ANKRD24: variants seen among roughly 807,000 people sequenced by gnomAD.
The protein encoded by ANKRD24 is ankyrin repeat domain 24.
ANKRD24 carries 109 observed loss-of-function variants against 127.8 expected under a neutral mutation model. The observed-to-expected ratio is 0.85, with a 90% CI of 0.73 to 1.00. The LOEUF (loss-of-function observed/expected upper bound fraction) is 1.00. Among genes scored for constraint, ANKRD24 ranks in the 50% least tolerant of loss-of-function variants. ANKRD24 has a pLI of 0.00. For synonymous variants in ANKRD24, 743 were observed against 671.1 expected (o/e 1.11, Z -1.66); for missense variants, 1,648 against 1,570.2 (o/e 1.05, Z -0.84).
At chr19:4,184,898 G>A (rs145221695) in intron 1 of ANKRD24, among the ~76,000 whole-genome samples, 81 of 151,102 alleles carry the variant, frequency 5.4e-4, no homozygotes, top group African/African-American at 1.9e-3. Flanking sequence ...ATGGATGGAG[G>A]GATGGATAAG....
chr19:4,192,770 A>C (rs1194991418), intron 2 of ANKRD24, among the ~76,000 whole-genome samples: 3 of 151,124 alleles, frequency 2.0e-5, no homozygotes, highest in Non-Finnish European at 2.9e-5. Context: ...ATCTCTTCAA[A>C]AAAAATTCAA....
At chr19:4,202,575 A>G (rs1969153627) in intron 6 of ANKRD24, among the ~76,000 whole-genome samples, 3 of 151,878 alleles carry the variant, frequency 2.0e-5, no homozygotes, top group Admixed American at 2.0e-4. Flanking sequence ...CATCTAAAAT[A>G]TATATATATA....
chr19:4,224,324 T>C (rs778394539), intron 21 of ANKRD24, 104 bp from the exon 22 acceptor site: 25 of 1,428,880 alleles, frequency 1.7e-5, no homozygotes, highest in Non-Finnish European at 2.4e-5. Context: ...AGCCCCCCTG[T>C]GTGCATTTCC....
At chr19:4,191,028 G>A (rs1452275702) in intron 2 of ANKRD24, among the ~76,000 whole-genome samples, 1 of 152,172 alleles carries the variant, frequency 6.6e-6, no homozygotes, top group Admixed American at 6.6e-5. Context: ...ATTGGATGGG[G>A]ACAGGATAGG....
intron 7 of ANKRD24, 111 bp downstream of exon 7, chr19:4,203,037 C>CT (rs1255934573): frequency 1.4e-5 from 12 of 834,050 alleles, no homozygotes; most frequent in South Asian, 2.1e-5. Flanking sequence ...TTCCTGTCTC[C>CT]TCCTTTCTTT....
chr19:4,199,943 G>C lies in ANKRD24; in HGVS notation c.192G>C (p.Val64=). Residue 64 remains valine (V), a synonymous_variant, in exon 4 of 22, where the codon GTG becomes GTC. Transcript: ENST00000318934. The surrounding 1 kb of genome is among the most constrained non-coding windows in gnomAD (Gnocchi z 5.2). The part of the protein sequence containing the change: ...QAVENNDAPR[V]AALIARKGLV... The stretch of plus-strand genomic sequence containing the variant: ...TGGAAAACAACGATGCACCTCGGGT[G>C]GCCGCCCTCATCGCCCGCAAGGGGC... 6.4e-7 allele frequency: 1 copy of C among 1,566,600 alleles called. No individual in the cohort carries two copies.
At chr19:4,213,326 CTTCCTTCCTTTCCTTCCTTCCTTCGTT>C (rs1471398855) in intron 15 of ANKRD24, among the ~76,000 whole-genome samples, 1 of 147,178 alleles carries the variant, frequency 6.8e-6, no homozygotes, top group Non-Finnish European at 1.5e-5. Flanking sequence ...CCCTCCTTCC[CTTCCTTCCTTTCCTTCCTTCCTTCGTT>C]TTCCTTCCCT....
Position 4,186,439 on chromosome 19 carries a change from G to T in ANKRD24, c.14G>T (p.Arg5Met). MKTL[R>M]ARFKKTELRL... is the part of the protein sequence containing the mutation. ...AGGGCACCAACTATGAAGACTCTCA[G>T]GGCGCGATTTAAGAAGACAGAGGTG... Residue 5 changes from arginine (R) to methionine (M), a missense_variant, in exon 2 of 22, where the codon AGG becomes ATG. Transcript: ENST00000318934. The T allele has an allele frequency of 6.3e-7, 1 of 1,593,504 alleles. No individual in the cohort carries two copies.
chr19:4,210,436 T>TC, intron 13 of ANKRD24, 64 bp downstream of exon 13: 1 of 1,346,302 alleles, frequency 7.4e-7, no homozygotes, highest in African/African-American at 1.5e-5. Flanking sequence ...GGCATGAAGA[T>TC]CCCCCTACTT....
chr19:4,222,650 G>T lies in ANKRD24; in HGVS notation c.3172-20G>T. On this transcript the variant is annotated intron_variant, in intron 19 of 21. Coordinates refer to ENST00000318934, the MANE Select transcript of ANKRD24 (RefSeq NM_001393985.1). ...CAGCTCTGGGCTTAGGGTGATCGCT[G>T]ACAGCACCTGCACCCTCAGATCACA... is the stretch of plus-strand genomic sequence containing the variant. 1 of 1,586,996 alleles carries T rather than the reference G, an allele frequency of 6.3e-7. No individual in the cohort carries two copies. Among genetic ancestry groups the T allele is most frequent in the South Asian group, 1.1e-5 (1 of 89,218 alleles).
rs1400597563 is a variant in ANKRD24, at chr19:4,217,911, T to G, written c.2751T>G (p.Ser917=). The G allele has an allele frequency of 6.7e-7, 1 of 1,486,514 alleles. No individual in the cohort carries two copies. 92.1% of individuals were successfully genotyped at this position (1,486,514 alleles called of 1,614,324 possible). The change falls in exon 18 of 22, where the codon TCT becomes TCG. Residue 917 remains serine (S), a synonymous_variant. Transcript: ENST00000318934. ...TCCGCCAGTCCGTGGTGCCGGCCTC[T>G]GAGCACCGCCGGCTGCAGGAGGAGG... ...EALRQSVVPA[S]EHRRLQEEAL... is the part of the protein sequence containing the mutation.
In ANKRD24 at chr19:4,199,968, C is replaced by T. The variant is rs1373138919; in HGVS notation, c.217C>T (p.Leu73=). The change falls in exon 4 of 22, where the codon CTG becomes TTG. Residue 73 remains leucine, a synonymous_variant. Coordinates refer to ENST00000318934, the MANE Select transcript of ANKRD24 (RefSeq NM_001393985.1). The surrounding 1 kb of genome is among the most constrained non-coding windows in gnomAD (Gnocchi z 5.2). ...GGCCGCCCTCATCGCCCGCAAGGGG[C>T]TGGTGCCCACGAAGCTAGACCCCGA... ...RVAALIARKG[L]VPTKLDPEGK... The T allele has an allele frequency of 6.4e-7, 1 of 1,564,350 alleles. No homozygotes were observed. Among genetic ancestry groups the T allele is most frequent in the Admixed American group, 1.9e-5 (1 of 52,410 alleles).
chr19:4,218,499 C>T (rs76739828), intron 18 of ANKRD24, among the ~76,000 whole-genome samples: 6 of 151,756 alleles, frequency 4.0e-5, no homozygotes, highest in Non-Finnish European at 7.4e-5. Context: ...GGGAGTTCAC[C>T]GTGTTGGCCA....
At chr19:4,196,469 G>A (rs1420861415) in intron 2 of ANKRD24, among the ~76,000 whole-genome samples, 1 of 152,144 alleles carries the variant, frequency 6.6e-6, no homozygotes, top group Non-Finnish European at 1.5e-5. Context: ...TCTGCCTCCA[G>A]GGTTCAAGCG....
At position 4,217,625 on chromosome 19, in the gene ANKRD24, G is replaced by C. The variant is rs1599463376; in HGVS notation, c.2465G>C (p.Arg822Pro). The C allele has an allele frequency of 1.5e-5, 19 of 1,287,180 alleles. No individual in the cohort carries two copies. The East Asian group carries it at 6.3e-4, about 43-fold the overall frequency. The allele number at this position is 1,287,180 out of a possible 1,614,324, so 79.7% of individuals were successfully genotyped here. ...SACLDEARAS[R>P]LLAEEEARGL... ...TGCCTGGATGAGGCTCGGGCCAGCC[G>C]GCTGCTGGCGGAGGAGGAGGCGCGG... Residue 822 changes from arginine to proline, a missense_variant, in exon 18 of 22, where the codon CGG becomes CCG. Transcript: ENST00000318934.
At chr19:4,219,882 G>A in intron 19 of ANKRD24, 124 bp downstream of exon 19, 1 of 1,198,710 alleles carries the variant, frequency 8.3e-7, no homozygotes, top group Non-Finnish European at 1.1e-6. Flanking sequence ...AAGGGAAACT[G>A]AGGCTCAGAA....
chr19:4,213,160 C>T (rs1416838428), intron 15 of ANKRD24, among the ~76,000 whole-genome samples: 1 of 152,126 alleles, frequency 6.6e-6, no homozygotes, highest in African/African-American at 2.4e-5. Flanking sequence ...CAGTCACATG[C>T]ACCCATGCAC....
At position 4,216,894 on chromosome 19, in the gene ANKRD24, A is replaced by G. The variant is rs752494683; in HGVS notation, c.1734A>G (p.Glu578=). Residue 578 remains glutamate (E), a synonymous_variant, in exon 18 of 22, where the codon GAA becomes GAG. Transcript: ENST00000318934. Reference sequence around the variant, plus strand: ...AAACCATGGAAGCCAGGACTATGGAAGCTGAGGCCACGGGAGCCGAGGCCA... The same window carrying G: ...AAACCATGGAAGCCAGGACTATGGAGGCTGAGGCCACGGGAGCCGAGGCCA... ...GDETMEARTM[E]AEATGAEATG... is the part of the protein sequence containing the mutation. 36 of 1,611,480 alleles carry G rather than the reference A, an allele frequency of 2.2e-5. No homozygotes were observed. The highest frequency in any genetic ancestry group is 2.8e-5 in the Non-Finnish European group (33 of 1,178,924).
At position 4,221,943 on chromosome 19, in the gene ANKRD24, C is replaced by G. The variant is rs73524653; in HGVS notation, c.3172-727C>G. On this transcript the variant is annotated intron_variant, in intron 19 of 21. Transcript: ENST00000318934. ...CGTGACAACCACAGATGTCCCCACA[C>G]AACACCCAGTGTCCCCTTGGGGGGC... 5.0e-3 allele frequency among the ~76,000 whole-genome samples: 754 copies of G among 152,284 alleles called. 6 individuals are homozygous for G. Among genetic ancestry groups the G allele is most frequent in the African/African-American group, 0.017 (715 of 41,562 alleles).
Sources: allele counts gnomAD v4.1 joint callset (sites outside exome capture counted in the v4.1 genomes callset), GRCh38; gene constraint gnomAD v4.1.1; non-coding constraint Gnocchi (gnomAD v3.1); transcripts MANE v1.5; gene names NCBI Gene and HGNC (gene_info 2026-07-23, HGNC 2026-07-21).